LENG8: variants seen among roughly 807,000 people sequenced by gnomAD.
LENG8 encodes leukocyte receptor cluster member 8.
Under a neutral mutation model 102.1 loss-of-function variants are expected in LENG8, and 28 were observed. The observed-to-expected ratio is 0.27, with a 90% CI of 0.20 to 0.38. The LOEUF (loss-of-function observed/expected upper bound fraction) is 0.38. Ranked by LOEUF, LENG8 falls within the 10% of genes least tolerant of loss-of-function variation. The pLI, the probability that LENG8 is intolerant of heterozygous loss-of-function variation, is 1.00. For missense variants in LENG8, 1,022 were observed against 1,113.9 expected (o/e 0.92, Z 1.17); for synonymous variants, 531 against 456.7 (o/e 1.16, Z -2.07).
chr19:54,453,429 AAGAG>A (rs2084053945), intron 4 of LENG8, 113 bp from the exon 5 acceptor site: 1 of 686,292 alleles, frequency 1.5e-6, no homozygotes, highest in Admixed American at 2.2e-5. Flanking sequence ...TAATATAGTG[AAGAG>A]AGAAAGGGGT....
intron 15 of LENG8, chr19:54,459,816 T>C (rs1219672601): frequency 2.6e-6 from 3 of 1,157,094 alleles, no homozygotes; most frequent in Non-Finnish European, 3.3e-6. Context: ...CAGAGCTCCA[T>C]GACCAGCTTG....
chr19:54,453,895 C>G (rs551986531), intron 5 of LENG8, among the ~76,000 whole-genome samples: 163 of 152,172 alleles, frequency 1.1e-3, no homozygotes, highest in Non-Finnish European at 1.9e-3. Context: ...AGCATGGTCA[C>G]CCACAGGCGT....
rs771783417 is a variant in LENG8 at position 54,456,669 on chromosome 19, G to A, written c.1479G>A (p.Lys493=). 1 of 1,612,998 alleles carries A rather than the reference G, an allele frequency of 6.2e-7. No individual in the cohort carries two copies. The highest frequency in any genetic ancestry group is 1.3e-5 in the African/African-American group (1 of 74,936). ...TGGCGCCCACCAAGCGCAGTCGAAAGAAGATGGCGGCGCTGGAGTGTGAGG... is the reference window on the plus strand; with the variant it reads ...TGGCGCCCACCAAGCGCAGTCGAAAAAAGATGGCGGCGCTGGAGTGTGAGG... ...HDLAPTKRSR[K]KMAALECEDP... Residue 493 remains lysine, a synonymous_variant, in exon 11 of 16, where the codon AAG becomes AAA. Transcript: ENST00000326764.
rs199822118 is a variant in LENG8 at position 54,456,343 on chromosome 19, C to T, written c.1323C>T (p.Ser441=). 1.7e-5 allele frequency: 27 copies of T among 1,613,866 alleles called. No individual in the cohort carries two copies. The highest frequency in any genetic ancestry group is 2.2e-5 in the South Asian group (2 of 91,092). Residue 441 remains serine, a synonymous_variant, in exon 10 of 16, where the codon TCC becomes TCT. Transcript: ENST00000326764. ...HFRRSDSHSD[S]DSSYSGNECH... is the part of the protein sequence containing the mutation. Reference sequence around the variant, plus strand: ...CCTGCAGTGACTCCCACTCAGACTCCGACAGCTCCTACTCAGGGAATGAGT... The same window carrying T: ...CCTGCAGTGACTCCCACTCAGACTCTGACAGCTCCTACTCAGGGAATGAGT...
At chr19:54,454,792 CAGGCTG>C in intron 6 of LENG8, 110 bp downstream of exon 6, 3 of 1,437,830 alleles carry the variant, frequency 2.1e-6, no homozygotes, top group African/African-American at 2.8e-5. Context: ...TTGTGATCGC[CAGGCTG>C]GGGGTGGGGC....
At chr19:54,453,898 A>G (rs1295707148) in intron 5 of LENG8, among the ~76,000 whole-genome samples, 1 of 152,192 alleles carries the variant, frequency 6.6e-6, no homozygotes, top group Non-Finnish European at 1.5e-5. Context: ...ATGGTCACCC[A>G]CAGGCGTGCA....
chr19:54,461,816 C>T lies in LENG8; in HGVS notation c.*888C>T, dbSNP rs2084581078. 4.8e-6 allele frequency: 3 copies of T among 623,056 alleles called. No homozygotes were observed. Among genetic ancestry groups the T allele is most frequent in the South Asian group, 1.5e-5 (1 of 65,948 alleles). 38.6% of individuals were successfully genotyped at this position (623,056 alleles called of 1,614,324 possible). A position where few individuals can be genotyped will look rare whatever the true frequency, so the allele number is the denominator to read the frequency against. ...TTTTCTTTTTGGCCCTCCCTCCCTC[C>T]CTCTTCTGCCATGTAACTGGAGGAT... On this transcript the variant is annotated 3_prime_UTR_variant, in exon 16 of 16. Coordinates refer to ENST00000326764, the MANE Select transcript of LENG8 (RefSeq NM_052925.4).
chr19:54,449,524 A>C (rs10406529), intron 1 of LENG8: 63,617 of 151,664 alleles, frequency 0.42, 13,740 homozygotes, highest in East Asian at 0.64. Flanking sequence ...TCGTCTTCTA[A>C]TTTCCGTTCC....
At chr19:54,449,539 C>G (rs1436209925) in intron 1 of LENG8, 1 of 152,120 alleles carries the variant, frequency 6.6e-6, no homozygotes, top group Non-Finnish European at 1.5e-5. Flanking sequence ...CGTTCCTCTC[C>G]CTTGGAGTTC....
At chr19:54,460,290 A>G in intron 15 of LENG8, 1 of 1,256,826 alleles carries the variant, frequency 8.0e-7, no homozygotes, top group Non-Finnish European at 1.0e-6. Flanking sequence ...GTGTTTTAGC[A>G]GCAGCCGGAA....
chr19:54,457,099 C>T (rs1206674050), intron 11 of LENG8, among the ~76,000 whole-genome samples, 178 bp downstream of exon 11: 1 of 152,266 alleles, frequency 6.6e-6, no homozygotes, highest in Non-Finnish European at 1.5e-5. Flanking sequence ...CTCTGCTGCC[C>T]TGGAGCCCCG....
intron 11 of LENG8, among the ~76,000 whole-genome samples, chr19:54,457,516 T>C (rs1250770797): frequency 1.3e-5 from 2 of 152,172 alleles, no homozygotes; most frequent in Non-Finnish European, 2.9e-5. Flanking sequence ...GATTTTTGTA[T>C]TTTTAGTAGA....
chr19:54,453,034 C>T (rs910799727), intron 4 of LENG8, among the ~76,000 whole-genome samples: 3 of 152,220 alleles, frequency 2.0e-5, no homozygotes, highest in African/African-American at 4.8e-5. Flanking sequence ...CCGCCAGGCC[C>T]GCTCTCGCTT....
rs772477609 is a variant in LENG8 at position 54,456,441 on chromosome 19, G to T, written c.1421G>T (p.Arg474Leu). 1 of 1,607,654 alleles carries T rather than the reference G, an allele frequency of 6.2e-7. No individual in the cohort carries two copies. The highest frequency in any genetic ancestry group is 1.1e-5 in the South Asian group (1 of 91,026). The change falls in exon 10 of 16, where the codon CGA becomes CTA. Residue 474 changes from arginine to leucine, a missense_variant. Transcript: ENST00000326764. ...CGAGGGGCCCATATGGATCGGGGCC[G>T]AGGCAGGGCGCAGCGTGGGAAGAGG... ...GGRGAHMDRGRGRAQRGKRHD... is the reference protein window; with the variant it reads ...GGRGAHMDRGLGRAQRGKRHD...
intron 7 of LENG8, 22 bp from the exon 8 acceptor site, chr19:54,455,342 C>T (rs1232079090): frequency 5.0e-6 from 8 of 1,611,414 alleles, no homozygotes; most frequent in Non-Finnish European, 6.8e-6. Context: ...TCCAGCTGAG[C>T]CCCTCATCTG....
rs757061530 is a variant in LENG8 at position 54,455,142 on chromosome 19, G to A, written c.821+50G>A. On this transcript the variant is annotated intron_variant, in intron 7 of 15. Coordinates refer to ENST00000326764, the MANE Select transcript of LENG8 (RefSeq NM_052925.4). ...CGCAGCCCCACACTCTGCACTCAGC[G>A]TCTATGGTCCAGTCCCACTGGCCAG... is the stretch of plus-strand genomic sequence containing the variant. 1.2e-5 allele frequency: 19 copies of A among 1,610,636 alleles called. No individual in the cohort carries two copies. In the Admixed American group the frequency reaches 1.5e-4, roughly 13 times the overall value.
chr19:54,457,218 G>T (rs920849859), intron 11 of LENG8, among the ~76,000 whole-genome samples: 2 of 152,248 alleles, frequency 1.3e-5, no homozygotes, highest in Non-Finnish European at 2.9e-5. Flanking sequence ...GGGCTGTGGG[G>T]CGTGGGGGGC....
chr19:54,456,157 G>A lies in LENG8; in HGVS notation c.1216G>A (p.Val406Ile), dbSNP rs753250947. Residue 406 changes from valine to isoleucine, a missense_variant, in exon 9 of 16, where the codon GTC becomes ATC. This residue lies in a region of LENG8 where 326 missense variants were observed against 324.5 expected (regional missense o/e 1.00). Transcript: ENST00000326764. The stretch of plus-strand genomic sequence containing the variant: ...CTTCACCAAGTTTGGCAACCGCAAC[G>A]TCTTCATGAAGGACAACAGCTCTTC... The part of the protein sequence containing the change: ...NSFTKFGNRN[V>I]FMKDNSSSSS... 9 of 1,611,388 alleles carry A rather than the reference G, an allele frequency of 5.6e-6. No individual in the cohort carries two copies. Among genetic ancestry groups the A allele is most frequent in the South Asian group, 2.2e-5 (2 of 90,858 alleles).
At chr19:54,453,803 C>G in intron 5 of LENG8, 147 bp downstream of exon 5, 1 of 636,326 alleles carries the variant, frequency 1.6e-6, no homozygotes, top group South Asian at 1.9e-5. Context: ...GAGGACAGAG[C>G]ATAGTGTTTG....
Sources: allele counts gnomAD v4.1 joint callset (sites outside exome capture counted in the v4.1 genomes callset), GRCh38; gene constraint gnomAD v4.1.1; regional missense constraint gnomAD v4.1.1; transcripts MANE v1.5; gene names NCBI Gene and HGNC (gene_info 2026-07-23, HGNC 2026-07-21).